The following TNFSF4 variants were observed in gnomAD, a reference collection of about 807,000 sequenced individuals.
The protein encoded by TNFSF4 is tumor necrosis factor ligand superfamily member 4.
TNFSF4 carries 4 observed loss-of-function variants against 7.3 expected under a neutral mutation model. The ratio of observed to expected loss-of-function variants is 0.55; its 90% CI spans 0.27 to 1.25. TNFSF4 has a LOEUF of 1.25. TNFSF4 is among the 50% of genes most tolerant of loss of function. TNFSF4 has a pLI of 0.12. For synonymous variants in TNFSF4, 76 were observed against 83.7 expected (o/e 0.91, Z 0.50); for missense variants, 181 against 208.8 (o/e 0.87, Z 0.82).
the TNFSF4 span, among the ~76,000 whole-genome samples, chr1:173,338,640 A>C: frequency 6.6e-6 from 1 of 152,190 alleles, no homozygotes; most frequent in African/African-American, 2.4e-5. Context: ...TCCGGGATTC[A>C]TGGGTCCAGA....
At chr1:173,369,121 T>TG in the TNFSF4 span, among the ~76,000 whole-genome samples, 1 of 151,880 alleles carries the variant, frequency 6.6e-6, no homozygotes, top group East Asian at 1.9e-4. Context: ...ACTCCAAAAT[T>TG]GGGGGGGATA....
At chr1:173,355,030 T>G in the TNFSF4 span, among the ~76,000 whole-genome samples, 1 of 152,208 alleles carries the variant, frequency 6.6e-6, no homozygotes, top group African/African-American at 2.4e-5. Context: ...GGAGCTGTAT[T>G]CCTGCTGGAG....
At chr1:173,233,841 A>G in the TNFSF4 span, among the ~76,000 whole-genome samples, 1 of 152,164 alleles carries the variant, frequency 6.6e-6, no homozygotes, top group Non-Finnish European at 1.5e-5. Flanking sequence ...AACCATAAAA[A>G]CCCTAGAAGA....
the TNFSF4 span, among the ~76,000 whole-genome samples, chr1:173,437,895 G>T: frequency 5.1e-5 from 7 of 137,630 alleles, no homozygotes; most frequent in African/African-American, 1.8e-4. Context: ...TGCACCCCAA[G>T]AAAATGTTTT....
the TNFSF4 span, among the ~76,000 whole-genome samples, chr1:173,304,035 A>G: frequency 2.6e-5 from 4 of 152,008 alleles, no homozygotes; most frequent in East Asian, 7.8e-4. Flanking sequence ...CTGCCCACAC[A>G]GTTTTCATTA....
chr1:173,419,553 C>A, the TNFSF4 span, among the ~76,000 whole-genome samples: 1 of 152,026 alleles, frequency 6.6e-6, no homozygotes, highest in Non-Finnish European at 1.5e-5. Context: ...AATTCTGTTA[C>A]AGCAATGGAC....
At chr1:173,281,189 T>TA in the TNFSF4 span, among the ~76,000 whole-genome samples, 2 of 151,948 alleles carry the variant, frequency 1.3e-5, no homozygotes, top group Non-Finnish European at 2.9e-5. Flanking sequence ...GTTGGCACAT[T>TA]ACCCATCTGA....
chr1:173,319,930 A>C, the TNFSF4 span, among the ~76,000 whole-genome samples: 1 of 152,200 alleles, frequency 6.6e-6, no homozygotes, highest in East Asian at 1.9e-4. Context: ...AAATTCCAAA[A>C]ACCAGAATGC....
chr1:173,424,355 G>C, the TNFSF4 span, among the ~76,000 whole-genome samples: 1 of 152,208 alleles, frequency 6.6e-6, no homozygotes. Flanking sequence ...TTCACTAAAA[G>C]AGGAAGACCT....
At chr1:173,173,288 C>T in the TNFSF4 span, among the ~76,000 whole-genome samples, 1 of 152,204 alleles carries the variant, frequency 6.6e-6, no homozygotes, top group Non-Finnish European at 1.5e-5. Context: ...TAACTCATTT[C>T]AGCATTCATC....
At chr1:173,351,197 A>G in the TNFSF4 span, among the ~76,000 whole-genome samples, 609 of 152,242 alleles carry the variant, frequency 4.0e-3, 5 homozygotes, top group Non-Finnish European at 6.5e-3. Flanking sequence ...TTCTTTCTCC[A>G]TGAACATATC....
the TNFSF4 span, among the ~76,000 whole-genome samples, chr1:173,269,420 G>A: frequency 1.3e-5 from 2 of 152,016 alleles, no homozygotes; most frequent in Non-Finnish European, 2.9e-5. Flanking sequence ...TCCTTATTAA[G>A]CTGAGAACTT....
At chr1:173,207,345 G>C, upstream of TNFSF4, 1 of 524,032 alleles carries the variant, frequency 1.9e-6, no homozygotes, top group South Asian at 4.5e-5. Context: ...GAGCAAAGCG[G>C]ACTCTCTCAG....
chr1:173,226,407 T>G, the TNFSF4 span, among the ~76,000 whole-genome samples: 2 of 152,302 alleles, frequency 1.3e-5, no homozygotes, highest in South Asian at 2.1e-4. Flanking sequence ...TTTTTTGTAC[T>G]AAAACATGAA....
At chr1:173,355,062 CCAGTCTT>C in the TNFSF4 span, among the ~76,000 whole-genome samples, 2 of 152,140 alleles carry the variant, frequency 1.3e-5, no homozygotes, top group Non-Finnish European at 2.9e-5. Flanking sequence ...TAATCTGTTC[CCAGTCTT>C]TTCCAGCTTC....
chr1:173,286,647 G>GA, the TNFSF4 span, among the ~76,000 whole-genome samples: 2 of 151,896 alleles, frequency 1.3e-5, no homozygotes, highest in South Asian at 2.1e-4. Context: ...TATTCTAATA[G>GA]AAAAAAATAA....
At chr1:173,196,249 AG>A (rs1282676023) in intron 1 of TNFSF4, among the ~76,000 whole-genome samples, 1 of 152,246 alleles carries the variant, frequency 6.6e-6, no homozygotes, top group Non-Finnish European at 1.5e-5. Context: ...TCTCATATTC[AG>A]AAAGACTTAT....
At chr1:173,197,483 C>T (rs1351955896) in intron 1 of TNFSF4, among the ~76,000 whole-genome samples, 3 of 152,180 alleles carry the variant, frequency 2.0e-5, no homozygotes, top group African/African-American at 7.2e-5. Flanking sequence ...GGTACATATA[C>T]ACCATGGAAT....
the TNFSF4 span, among the ~76,000 whole-genome samples, chr1:173,349,504 C>A: frequency 6.6e-6 from 1 of 152,158 alleles, no homozygotes; most frequent in African/African-American, 2.4e-5. Context: ...CTACAATAAC[C>A]TGTAAGGTAG....
Sources: allele counts gnomAD v4.1 joint callset (sites outside exome capture counted in the v4.1 genomes callset), GRCh38; gene constraint gnomAD v4.1.1; transcripts MANE v1.5; gene names NCBI Gene and HGNC (gene_info 2026-07-23, HGNC 2026-07-21).